LANCL3: variants seen among roughly 807,000 people sequenced by gnomAD.
LANCL3 encodes the protein lanC-like protein 3.
A neutral mutation model predicts 26.5 loss-of-function variants in LANCL3; 19 were observed. That is an observed-to-expected ratio of 0.72 (90% CI 0.50 to 1.05). The LOEUF (loss-of-function observed/expected upper bound fraction) is 1.05. Ranked by LOEUF, LANCL3 falls within the 50% of genes least tolerant of loss-of-function variation. LANCL3 has a pLI of 0.00. For missense variants in LANCL3, 318 were observed against 362.7 expected, an observed-to-expected ratio of 0.88 and a Z score of 1.00; for synonymous variants, 160 against 166.6, an observed-to-expected ratio of 0.96 and a Z score of 0.30.
chrX:37,675,685 A>G lies in LANCL3; in HGVS notation c.1135A>G (p.Lys379Glu), dbSNP rs1191417478. Reference protein sequence around the residue: ...FAQFLFTEEFKAGSRVLESIY... With the variant: ...FAQFLFTEEFEAGSRVLESIY... The stretch of plus-strand genomic sequence containing the variant: ...TCAATTCTTATTTACCGAGGAATTC[A>G]AGGCCGGTTCTCGGGTCCTTGAAAG... Residue 379 changes from lysine (K) to glutamate (E), a missense_variant, in exon 5 of 5, where the codon AAG (lysine) becomes GAG (glutamate). Lys to Glu is a moderately conservative substitution (Grantham distance 56). Coordinates refer to ENST00000378619, the MANE Select transcript of LANCL3 (RefSeq NM_001170331.2). 2.6e-6 allele frequency: 3 copies of G among 1,148,792 alleles called. No homozygotes were observed. The highest frequency in any genetic ancestry group is 3.5e-6 in the Non-Finnish European group (3 of 863,719). 94.7% of individuals were successfully genotyped at this position (1,148,792 alleles called of 1,213,427 possible).
intron 1 of LANCL3, among the ~76,000 whole-genome samples, chrX:37,584,292 G>A (rs1388117607): frequency 9.3e-6 from 1 of 107,024 alleles, no homozygotes; most frequent in Non-Finnish European, 1.9e-5. Context: ...TTCTTGTTTT[G>A]TTTTTGCCAG....
chrX:37,596,634 C>A (rs1239297398), intron 1 of LANCL3, among the ~76,000 whole-genome samples: 1 of 111,798 alleles, frequency 8.9e-6, no homozygotes, highest in African/African-American at 3.3e-5. Flanking sequence ...TTTTGATTGC[C>A]AGGAATTCCT....
At chrX:37,613,197 A>G (rs781944611) in intron 1 of LANCL3, among the ~76,000 whole-genome samples, 93 of 109,127 alleles carry the variant, frequency 8.5e-4, no homozygotes, top group Non-Finnish European at 1.5e-3. Context: ...CTTTAGTACT[A>G]CCTGACATCA....
rs1054578611 is a variant in LANCL3, at chrX:37,679,350, T to C, written c.*3537T>C. 2 of 111,795 alleles carry C rather than the reference T, an allele frequency of 1.8e-5. No homozygotes were observed. Among genetic ancestry groups the C allele is most frequent in the African/African-American group, 6.5e-5 (2 of 30,749 alleles). 9.2% of individuals were successfully genotyped at this position (111,795 alleles called of 1,213,427 possible). A position where few individuals can be genotyped will look rare whatever the true frequency, so the allele number is the denominator to read the frequency against. The stretch of plus-strand genomic sequence containing the variant: ...GATAAAAACCAAGTGTACATTTTTT[T>C]ATATTCTACCACCAGTCCTGAGCAC... On this transcript the variant is annotated 3_prime_UTR_variant, in exon 5 of 5. Coordinates refer to ENST00000378619, the MANE Select transcript of LANCL3 (RefSeq NM_001170331.2).
At chrX:37,661,011 G>GAT (rs148202344) in intron 3 of LANCL3, among the ~76,000 whole-genome samples, 1 of 105,977 alleles carries the variant, frequency 9.4e-6, no homozygotes, top group Non-Finnish European at 1.9e-5. Context: ...TGTGGGCGGG[G>GAT]GGGGAACAAG....
intron 4 of LANCL3, among the ~76,000 whole-genome samples, chrX:37,673,323 T>C: frequency 9.0e-6 from 1 of 111,296 alleles, no homozygotes; most frequent in Non-Finnish European, 1.9e-5. Flanking sequence ...TTTTCCACTT[T>C]TACTTCCTTT....
chrX:37,647,389 C>A (rs892854992), intron 1 of LANCL3, among the ~76,000 whole-genome samples: 10 of 111,432 alleles, frequency 9.0e-5, no homozygotes, highest in African/African-American at 3.3e-4. Context: ...ATTGTTCATG[C>A]GTATCAAAAG....
At chrX:37,637,275 G>A (rs188348303) in intron 1 of LANCL3, among the ~76,000 whole-genome samples, 3 of 111,863 alleles carry the variant, frequency 2.7e-5, no homozygotes, top group African/African-American at 3.2e-5. Flanking sequence ...GTGTGGTGAC[G>A]GACACTATTG....
intron 1 of LANCL3, among the ~76,000 whole-genome samples, chrX:37,629,758 T>C (rs1344915406): frequency 4.5e-5 from 5 of 111,385 alleles, no homozygotes; most frequent in Non-Finnish European, 1.9e-5. Context: ...CAGATAGTTG[T>C]AGATATGTGG....
At chrX:37,591,784 A>G (rs1475192741) in intron 1 of LANCL3, among the ~76,000 whole-genome samples, 2 of 92,564 alleles carry the variant, frequency 2.2e-5, no homozygotes, top group Admixed American at 1.1e-4. Flanking sequence ...ATGCTGCTGA[A>G]GTTGTACTTG....
intron 1 of LANCL3, among the ~76,000 whole-genome samples, chrX:37,616,243 G>A (rs898259426): frequency 6.3e-5 from 7 of 111,407 alleles, no homozygotes; most frequent in Non-Finnish European, 1.3e-4. Flanking sequence ...ATATATATAT[G>A]TGACAAAGAG....
chrX:37,599,779 G>A (rs906279966), intron 1 of LANCL3, among the ~76,000 whole-genome samples: 2 of 111,934 alleles, frequency 1.8e-5, no homozygotes, highest in Non-Finnish European at 3.8e-5. Flanking sequence ...AGCAAAACAT[G>A]AATTTTATTT....
At chrX:37,580,279 G>A (rs1923861451) in intron 1 of LANCL3, among the ~76,000 whole-genome samples, 2 of 111,724 alleles carry the variant, frequency 1.8e-5, no homozygotes, top group Non-Finnish European at 3.8e-5. Context: ...AGAACCCAGT[G>A]AATGATAAAA....
At chrX:37,615,129 G>A (rs1274126953) in intron 1 of LANCL3, among the ~76,000 whole-genome samples, 2 of 111,848 alleles carry the variant, frequency 1.8e-5, no homozygotes, top group African/African-American at 3.2e-5. Context: ...TAGGATTCAC[G>A]CAGTTTGGCC....
chrX:37,632,444 T>C (rs1925551179), intron 1 of LANCL3, among the ~76,000 whole-genome samples: 1 of 111,173 alleles, frequency 9.0e-6, no homozygotes, highest in South Asian at 3.7e-4. Context: ...GAGCATTTAG[T>C]CCATTTACAT....
chrX:37,576,443 G>T (rs1196959197), intron 1 of LANCL3, among the ~76,000 whole-genome samples: 1 of 111,676 alleles, frequency 9.0e-6, no homozygotes, highest in Non-Finnish European at 1.9e-5. Flanking sequence ...ACGGCAGAGG[G>T]ATTCTGGGGA....
intron 1 of LANCL3, among the ~76,000 whole-genome samples, chrX:37,645,964 A>C (rs936031582): frequency 4.5e-5 from 5 of 111,858 alleles, no homozygotes; most frequent in Admixed American, 2.8e-4. Flanking sequence ...ATAAGTTAAA[A>C]ATGCTCTCTT....
intron 1 of LANCL3, among the ~76,000 whole-genome samples, chrX:37,602,865 C>T (rs1924608053): frequency 9.0e-6 from 1 of 111,474 alleles, no homozygotes; most frequent in African/African-American, 3.3e-5. Flanking sequence ...AAGGTGATTG[C>T]CTTGTTTAAT....
intron 1 of LANCL3, among the ~76,000 whole-genome samples, chrX:37,630,414 C>T (rs1488739885): frequency 1.0e-4 from 11 of 109,206 alleles, no homozygotes; most frequent in Non-Finnish European, 1.9e-5. Flanking sequence ...AATTTGACTT[C>T]CTCTTTTCCT....
Sources: gnomAD v4.1 joint callset for allele counts (sites outside exome capture counted in the v4.1 genomes callset) on GRCh38, gnomAD v4.1.1 for gene constraint, MANE v1.5 for transcripts, NCBI Gene and HGNC (gene_info 2026-07-23, HGNC 2026-07-21) for gene names.